PCDH11X: variants seen among roughly 807,000 people sequenced by gnomAD.
The protein encoded by PCDH11X is protocadherin-11 X-linked.
Under a neutral mutation model 53.3 loss-of-function variants are expected in PCDH11X, and 18 were observed. The observed-to-expected ratio is 0.34, with a 90% confidence interval of 0.23 to 0.50. The LOEUF (loss-of-function observed/expected upper bound fraction) is 0.50. PCDH11X is among the 20% of genes least tolerant of loss of function. The pLI is 0.98. For synonymous variants in PCDH11X, 279 were observed against 393.3 expected, an observed-to-expected ratio of 0.71 and a Z score of 3.44; for missense variants, 570 against 1,032.4, an observed-to-expected ratio of 0.55 and a Z score of 6.14.
intron 6 of PCDH11X, among the ~76,000 whole-genome samples, chrX:91,952,607 A>G (rs1223668271): frequency 2.7e-5 from 3 of 111,551 alleles, no homozygotes; most frequent in Non-Finnish European, 5.7e-5. Context: ...AGTTAGTACA[A>G]CCCACTACAG....
At chrX:92,411,903 GAGGAGT>G in intron 9 of PCDH11X, among the ~76,000 whole-genome samples, 2 of 68,588 alleles carry the variant, frequency 2.9e-5, no homozygotes, top group African/African-American at 5.1e-5. Flanking sequence ...GAAGAGGGAA[GAGGAGT>G]GGGAGGAGGA....
At chrX:92,469,164 G>GA (rs1474650810) in intron 10 of PCDH11X, among the ~76,000 whole-genome samples, 1 of 101,195 alleles carries the variant, frequency 9.9e-6, no homozygotes, top group Non-Finnish European at 2.0e-5. Flanking sequence ...AGCACTTAAA[G>GA]AAAAAATTTT....
intron 6 of PCDH11X, among the ~76,000 whole-genome samples, chrX:92,018,639 G>T (rs973463266): frequency 1.8e-5 from 2 of 112,340 alleles, no homozygotes; most frequent in African/African-American, 6.5e-5. Flanking sequence ...TTAATATACA[G>T]CCATGCTTCA....
chrX:92,586,874 G>A (rs1160700919), intron 10 of PCDH11X, among the ~76,000 whole-genome samples: 3 of 109,770 alleles, frequency 2.7e-5, no homozygotes, highest in African/African-American at 6.6e-5. Flanking sequence ...CTATGCATTT[G>A]TACCACATTT....
intron 9 of PCDH11X, among the ~76,000 whole-genome samples, chrX:92,398,947 C>A (rs1179555981): frequency 9.0e-6 from 1 of 110,740 alleles, no homozygotes; most frequent in Non-Finnish European, 1.9e-5. Context: ...AATCCCAGCA[C>A]TTTGGGAGGC....
At chrX:92,262,181 T>C (rs1221843560) in intron 7 of PCDH11X, among the ~76,000 whole-genome samples, 1 of 111,382 alleles carries the variant, frequency 9.0e-6, no homozygotes, top group East Asian at 2.8e-4. Context: ...CTATGTTGAC[T>C]CTATTTCTCT....
chrX:92,104,175 C>T (rs1602931893), intron 6 of PCDH11X, among the ~76,000 whole-genome samples: 1 of 110,631 alleles, frequency 9.0e-6, no homozygotes, highest in African/African-American at 3.3e-5. Flanking sequence ...GTGCTAGTCA[C>T]GGAATGAAAC....
chrX:92,341,511 T>C (rs1373399203), intron 8 of PCDH11X, among the ~76,000 whole-genome samples: 1 of 111,395 alleles, frequency 9.0e-6, no homozygotes, highest in Non-Finnish European at 1.9e-5. Flanking sequence ...AACCATGAGG[T>C]TGGCATCTGT....
intron 6 of PCDH11X, among the ~76,000 whole-genome samples, chrX:91,892,142 A>C (rs1410257862): frequency 1.9e-5 from 2 of 107,216 alleles, no homozygotes; most frequent in African/African-American, 6.8e-5. Flanking sequence ...AAGCATCCTA[A>C]AGTCAGCAAC....
chrX:92,562,545 G>C (rs2075146668), intron 10 of PCDH11X, among the ~76,000 whole-genome samples: 1 of 105,897 alleles, frequency 9.4e-6, no homozygotes, highest in Non-Finnish European at 1.9e-5. Context: ...ATATGGCCAG[G>C]CTGAAAAATT....
chrX:91,869,629 A>G (rs1939174706), intron 5 of PCDH11X, among the ~76,000 whole-genome samples: 1 of 111,357 alleles, frequency 9.0e-6, no homozygotes, highest in Admixed American at 9.6e-5. Flanking sequence ...AGCAACAATT[A>G]GGAGTGGCAT....
intron 10 of PCDH11X, among the ~76,000 whole-genome samples, chrX:92,548,097 A>G (rs2074890001): frequency 9.1e-6 from 1 of 110,334 alleles, no homozygotes; most frequent in Non-Finnish European, 1.9e-5. Context: ...ATTGTCATCT[A>G]TAAAATACTC....
chrX:91,926,052 GCATATATA>G (rs1380148711), intron 6 of PCDH11X, among the ~76,000 whole-genome samples: 2 of 87,699 alleles, frequency 2.3e-5, no homozygotes, highest in African/African-American at 8.5e-5. Flanking sequence ...CAGGATGTAT[GCATATATA>G]CACACACACA....
chrX:91,815,349 T>C (rs1936418994), intron 4 of PCDH11X, among the ~76,000 whole-genome samples: 1 of 112,006 alleles, frequency 8.9e-6, no homozygotes, highest in Admixed American at 9.5e-5. Context: ...TAGCTTTAAA[T>C]GAATGGTCTT....
intron 8 of PCDH11X, among the ~76,000 whole-genome samples, chrX:92,289,371 C>T (rs1012485414): frequency 1.9e-4 from 21 of 111,310 alleles, no homozygotes; most frequent in African/African-American, 5.2e-4. Context: ...AAATGAGGCT[C>T]AATTATTCCA....
intron 9 of PCDH11X, among the ~76,000 whole-genome samples, chrX:92,406,855 A>C (rs1009285455): frequency 9.5e-6 from 1 of 104,962 alleles, no homozygotes; most frequent in African/African-American, 3.5e-5. Flanking sequence ...TGAACCCCGG[A>C]GGCAGAGGTT....
intron 6 of PCDH11X, among the ~76,000 whole-genome samples, chrX:92,163,554 T>G (rs1363001505): frequency 9.0e-6 from 1 of 111,022 alleles, no homozygotes; most frequent in African/African-American, 3.3e-5. Flanking sequence ...GCTATCTAAA[T>G]TGACTCAGCT....
chrX:91,916,917 A>G (rs1368804956), intron 6 of PCDH11X, among the ~76,000 whole-genome samples: 4 of 110,795 alleles, frequency 3.6e-5, no homozygotes, highest in Non-Finnish European at 7.6e-5. Context: ...TCCTCAACAA[A>G]ATAATAGCTA....
At chrX:92,541,557 C>T (rs1424336177) in intron 10 of PCDH11X, among the ~76,000 whole-genome samples, 1 of 111,457 alleles carries the variant, frequency 9.0e-6, no homozygotes, top group South Asian at 3.8e-4. Flanking sequence ...TCTCTGTGTG[C>T]AGATACTTGT....
Sources: allele counts gnomAD v4.1 joint callset (sites outside exome capture counted in the v4.1 genomes callset), GRCh38; gene constraint gnomAD v4.1.1; transcripts MANE v1.5; gene names NCBI Gene and HGNC (gene_info 2026-07-23, HGNC 2026-07-21).